The following ADGRL3 variants were observed in gnomAD, a reference collection of about 807,000 sequenced individuals.
The protein encoded by ADGRL3 is adhesion G protein-coupled receptor L3, also known as calcium-independent alpha-latrotoxin receptor 3.
ADGRL3 carries 62 observed loss-of-function variants against 153.5 expected under a neutral mutation model. That is an observed-to-expected ratio of 0.40 (90% confidence interval 0.33 to 0.50). ADGRL3 has a LOEUF of 0.50. Among genes scored for constraint, ADGRL3 ranks in the 20% least tolerant of loss-of-function variants. The probability of loss-of-function intolerance (pLI) is 0.47; values close to 1 mark genes in which losing one functional copy is unlikely to be tolerated. For missense variants in ADGRL3, 1,641 were observed against 1,859.4 expected (o/e 0.88, Z 2.16); for synonymous variants, 710 against 672.5 (o/e 1.06, Z -0.86).
chr4:61,577,225 G>A (rs183198212), intron 4 of ADGRL3, among the ~76,000 whole-genome samples: 3,600 of 148,854 alleles, frequency 0.024, 155 homozygotes, highest in African/African-American at 0.083. Context: ...GGAAATGGGG[G>A]GGGGATGAGG....
At chr4:61,449,413 G>A (rs1187253000) in intron 2 of ADGRL3, among the ~76,000 whole-genome samples, 2 of 151,626 alleles carry the variant, frequency 1.3e-5, no homozygotes, top group Admixed American at 6.6e-5. Context: ...GGGATTACAG[G>A]CATGAGCCAC....
At chr4:61,693,327 A>G (rs773477304) in intron 6 of ADGRL3, among the ~76,000 whole-genome samples, 7 of 152,058 alleles carry the variant, frequency 4.6e-5, no homozygotes, top group Admixed American at 2.6e-4. Context: ...CAGAGTAATG[A>G]ATAGCTCTAG....
chr4:61,821,861 G>A (rs1470721), intron 9 of ADGRL3, among the ~76,000 whole-genome samples: 84,662 of 152,078 alleles, frequency 0.56, 25,181 homozygotes, highest in African/African-American at 0.76. Context: ...AAATAAGCAG[G>A]TGGTTCTGCC....
At chr4:61,827,087 A>G (rs572323288) in intron 9 of ADGRL3, among the ~76,000 whole-genome samples, 69 of 152,294 alleles carry the variant, frequency 4.5e-4, no homozygotes, top group African/African-American at 1.6e-3. Context: ...TTCGAATTGC[A>G]GGACTAAATT....
intron 21 of ADGRL3, among the ~76,000 whole-genome samples, chr4:62,015,212 T>C (rs1217086147): frequency 6.6e-6 from 1 of 152,192 alleles, no homozygotes; most frequent in Non-Finnish European, 1.5e-5. Context: ...TACATACAGC[T>C]ATGTATTCTA....
intron 25 of ADGRL3, among the ~76,000 whole-genome samples, chr4:62,051,408 G>C (rs1483857595): frequency 6.6e-6 from 1 of 151,282 alleles, no homozygotes; most frequent in Admixed American, 6.6e-5. Flanking sequence ...TCAGAGTTAA[G>C]TCTCCATTCA....
rs1019264852 is a variant in ADGRL3 at position 61,220,535 on chromosome 4, G to A, written c.-240+18770G>A. Among the ~76,000 whole-genome samples, 5 of 152,286 alleles carry A rather than the reference G, an allele frequency of 3.3e-5. No homozygotes were observed. In the East Asian group the frequency reaches 9.7e-4, roughly 29 times the overall value. ...CATGTAATCTAATACACGGGCAGAA[G>A]GTTTAGTCATTATAAGATTCAGTTA... On this transcript the variant is annotated intron_variant, in intron 1 of 26. Coordinates refer to ENST00000683033, the MANE Select transcript of ADGRL3 (RefSeq NM_001387552.1).
intron 21 of ADGRL3, among the ~76,000 whole-genome samples, chr4:62,002,983 T>G (rs1259283844): frequency 6.6e-6 from 1 of 152,146 alleles, no homozygotes; most frequent in Non-Finnish European, 1.5e-5. Flanking sequence ...AAATAAAAAT[T>G]GATAGTTTCT....
Position 61,201,419 on chromosome 4 carries a change from CTCTTT to C in ADGRL3, c.-578_-574del, listed in dbSNP as rs1734636950. The C allele has an allele frequency of 6.6e-6, 1 of 152,582 alleles. No individual in the cohort carries two copies. Among genetic ancestry groups the C allele is most frequent in the South Asian group, 2.1e-4 (1 of 4,828 alleles). The allele number at this position is 152,582 out of a possible 1,614,324, so 9.5% of individuals were successfully genotyped here. ...GTGGACTGGGAGAGACATTTGAACC[CTCTTT>C]TCTTTTCGCTCCCCTTTTGCCCCCT... On this transcript the variant is annotated 5_prime_UTR_variant, in exon 1 of 27. An upstream open reading frame in the 5' UTR loses its in-frame stop. Transcript: ENST00000683033.
chr4:61,517,757 T>G (rs1001582257), intron 4 of ADGRL3, among the ~76,000 whole-genome samples: 1 of 152,236 alleles, frequency 6.6e-6, no homozygotes. Context: ...TTAAAATACT[T>G]GATTGGGTTT....
intron 5 of ADGRL3, among the ~76,000 whole-genome samples, chr4:61,600,927 G>A: frequency 6.6e-6 from 1 of 152,018 alleles, no homozygotes; most frequent in East Asian, 1.9e-4. Flanking sequence ...ATAGAATTCT[G>A]TTTCTGGGAA....
intron 5 of ADGRL3, among the ~76,000 whole-genome samples, chr4:61,638,102 A>G (rs923372199): frequency 6.6e-6 from 1 of 152,176 alleles, no homozygotes; most frequent in Non-Finnish European, 1.5e-5. Context: ...TATTCATAGT[A>G]GCTTTGTTGA....
intron 2 of ADGRL3, among the ~76,000 whole-genome samples, chr4:61,393,421 A>G (rs192486758): frequency 4.5e-4 from 68 of 152,270 alleles, no homozygotes; most frequent in South Asian, 2.3e-3. Context: ...TAATATTAAA[A>G]AACTTTTAGA....
chr4:61,682,040 C>A (rs1042975169), intron 6 of ADGRL3, among the ~76,000 whole-genome samples: 2 of 151,894 alleles, frequency 1.3e-5, no homozygotes, highest in African/African-American at 4.8e-5. Flanking sequence ...GAATGATAAA[C>A]ACAAAAACTC....
At chr4:61,509,670 A>T (rs1048923347) in intron 3 of ADGRL3, among the ~76,000 whole-genome samples, 5 of 152,084 alleles carry the variant, frequency 3.3e-5, no homozygotes, top group Non-Finnish European at 7.4e-5. Context: ...TCTACCATTG[A>T]TGAGCACTTG....
At chr4:61,800,683 A>G (rs538406035) in intron 8 of ADGRL3, among the ~76,000 whole-genome samples, 1 of 152,314 alleles carries the variant, frequency 6.6e-6, no homozygotes, top group South Asian at 2.1e-4. Flanking sequence ...TTTTCTAATA[A>G]GGAAGTTTAT....
At chr4:61,339,777 G>A (rs2095765704) in intron 1 of ADGRL3, among the ~76,000 whole-genome samples, 1 of 152,154 alleles carries the variant, frequency 6.6e-6, no homozygotes, top group Admixed American at 6.6e-5. Flanking sequence ...AGATGGTTCT[G>A]TGGTTTGGCA....
chr4:61,913,860 A>T (rs1287752032), intron 13 of ADGRL3, among the ~76,000 whole-genome samples: 1 of 152,158 alleles, frequency 6.6e-6, no homozygotes, highest in African/African-American at 2.4e-5. Flanking sequence ...AATACAGTAG[A>T]CTTTTTAATG....
chr4:61,782,135 G>C (rs1160813380), intron 8 of ADGRL3, among the ~76,000 whole-genome samples: 1 of 152,144 alleles, frequency 6.6e-6, no homozygotes, highest in Non-Finnish European at 1.5e-5. Flanking sequence ...GCAGAGTATT[G>C]ATGAGCACTA....
Sources: gnomAD v4.1 joint callset for allele counts (sites outside exome capture counted in the v4.1 genomes callset) on GRCh38, gnomAD v4.1.1 for gene constraint, MANE v1.5 for transcripts, NCBI Gene and HGNC (gene_info 2026-07-23, HGNC 2026-07-21) for gene names.